Variants in ZNF804B observed in about 807,000 individuals in gnomAD.
ZNF804B encodes zinc finger protein 804B, also known as zinc finger 804B.
In ZNF804B, 80 loss-of-function variants were observed where a neutral mutation model predicts 101.4. The ratio of observed to expected loss-of-function variants is 0.79; its 90% CI spans 0.66 to 0.95. ZNF804B has a LOEUF of 0.95. Among genes scored for constraint, ZNF804B ranks in the 40% least tolerant of loss-of-function variants. The probability of loss-of-function intolerance (pLI) is 0.00; values close to 1 mark genes in which losing one functional copy is unlikely to be tolerated. For missense variants in ZNF804B, 1,673 were observed against 1,561.9 expected, an observed-to-expected ratio of 1.07 and a Z score of -1.20; for synonymous variants, 622 against 558.8, an observed-to-expected ratio of 1.11 and a Z score of -1.59.
At chr7:89,026,310 T>C (rs1788750828) in intron 1 of ZNF804B, among the ~76,000 whole-genome samples, 1 of 152,146 alleles carries the variant, frequency 6.6e-6, no homozygotes, top group South Asian at 2.1e-4. Flanking sequence ...TAGGGGACAA[T>C]AGCTTACACA....
intron 1 of ZNF804B, among the ~76,000 whole-genome samples, chr7:89,059,070 A>G (rs1029053537): frequency 3.3e-5 from 5 of 152,170 alleles, no homozygotes; most frequent in Admixed American, 1.3e-4. Flanking sequence ...TTGAGACTGT[A>G]CTCATGAAAC....
intron 2 of ZNF804B, among the ~76,000 whole-genome samples, chr7:89,263,654 C>A (rs958941230): frequency 6.6e-6 from 1 of 151,672 alleles, no homozygotes; most frequent in Admixed American, 6.6e-5. Context: ...ATCAGGTCAT[C>A]CTCGATTATC....
rs114253381 is a variant in ZNF804B at position 89,313,286 on chromosome 7, C to A, written c.250-14058C>A. ...TAATAATTTTGACCTTTTGCCTTGG[C>A]GTTTTACTCTGAACTAAAGAAAAAC... On this transcript the variant is annotated intron_variant, in intron 2 of 3. Transcript: ENST00000333190. Among the ~76,000 whole-genome samples the A allele has an allele frequency of 2.2e-3, 333 of 152,190 alleles. 2 individuals carry two copies. Among genetic ancestry groups the A allele is most frequent in the African/African-American group, 7.8e-3 (325 of 41,534 alleles).
chr7:88,852,844 T>C (rs1791467043), intron 1 of ZNF804B, among the ~76,000 whole-genome samples: 2 of 152,148 alleles, frequency 1.3e-5, no homozygotes, highest in Admixed American at 1.3e-4. Context: ...TCCAAGGTTA[T>C]GCACTTTATC....
At position 88,940,921 on chromosome 7, in the gene ZNF804B, C is replaced by A. The variant is rs1048518857; in HGVS notation, c.108+180837C>A. Among the ~76,000 whole-genome samples, 5 of 150,968 alleles carry A rather than the reference C, an allele frequency of 3.3e-5. 1 individual carries two copies. Among genetic ancestry groups the A allele is most frequent in the Admixed American group, 3.3e-4 (5 of 15,124 alleles). ...AATAATGTGATGAAGTCTTAAAATT[C>A]AACAATAAGAAAATAACCTGATTAA... On this transcript the variant is annotated intron_variant, in intron 1 of 3. Coordinates refer to ENST00000333190, the MANE Select transcript of ZNF804B (RefSeq NM_181646.5).
At chr7:89,037,177 A>C (rs910448154) in intron 1 of ZNF804B, among the ~76,000 whole-genome samples, 1 of 152,176 alleles carries the variant, frequency 6.6e-6, no homozygotes, top group African/African-American at 2.4e-5. Flanking sequence ...CTCACATTTC[A>C]GTAGAAATGT....
At chr7:89,214,261 A>T (rs910801711) in intron 1 of ZNF804B, among the ~76,000 whole-genome samples, 2 of 152,214 alleles carry the variant, frequency 1.3e-5, no homozygotes, top group African/African-American at 4.8e-5. Flanking sequence ...AGAGTGATTA[A>T]CAAGAAGCTT....
intron 1 of ZNF804B, among the ~76,000 whole-genome samples, chr7:88,849,379 T>C (rs1791418466): frequency 6.6e-6 from 1 of 151,938 alleles, no homozygotes; most frequent in East Asian, 1.9e-4. Flanking sequence ...GAATTGAAGA[T>C]TAAGAAAAAT....
At chr7:88,820,907 A>T (rs944626947) in intron 1 of ZNF804B, among the ~76,000 whole-genome samples, 1 of 152,136 alleles carries the variant, frequency 6.6e-6, no homozygotes, top group Non-Finnish European at 1.5e-5. Flanking sequence ...GACTGTGAAT[A>T]TGCTGCAGTG....
intron 1 of ZNF804B, among the ~76,000 whole-genome samples, chr7:88,967,532 G>A (rs1416572994): frequency 1.3e-5 from 2 of 151,444 alleles, no homozygotes; most frequent in African/African-American, 4.8e-5. Context: ...TAATGTCTCA[G>A]GTTGATGAAA....
chr7:89,226,368 G>A (rs1789088881), intron 2 of ZNF804B, among the ~76,000 whole-genome samples: 1 of 150,936 alleles, frequency 6.6e-6, no homozygotes. Context: ...AGAGAGAGTG[G>A]CTAAATTATG....
intron 1 of ZNF804B, among the ~76,000 whole-genome samples, chr7:89,166,346 T>C (rs1791143658): frequency 6.6e-6 from 1 of 152,184 alleles, no homozygotes; most frequent in African/African-American, 2.4e-5. Flanking sequence ...AACCTGCTGT[T>C]GACAGGAAGT....
intron 1 of ZNF804B, among the ~76,000 whole-genome samples, chr7:89,065,135 T>TA (rs1562874689): frequency 6.6e-6 from 1 of 152,174 alleles, no homozygotes; most frequent in African/African-American, 2.4e-5. Context: ...AACCCTCCGA[T>TA]AGGAGCTTGC....
Position 88,991,181 on chromosome 7 carries a change from T to C in ZNF804B, c.109-226974T>C, listed in dbSNP as rs547540420. Among the ~76,000 whole-genome samples the C allele has an allele frequency of 6.6e-5, 10 of 152,282 alleles. No homozygotes were observed. The South Asian group carries it at 1.9e-3, about 28-fold the overall frequency. ...CTATTTAACACTGATTTGATTTTCC[T>C]CATGATTTTAGTCAGATCCCAGAAG... On this transcript the variant is annotated intron_variant, in intron 1 of 3. Coordinates refer to ENST00000333190, the MANE Select transcript of ZNF804B (RefSeq NM_181646.5).
At chr7:88,857,376 A>G (rs932364650) in intron 1 of ZNF804B, among the ~76,000 whole-genome samples, 11 of 152,206 alleles carry the variant, frequency 7.2e-5, no homozygotes, top group African/African-American at 2.4e-4. Flanking sequence ...GAAGACTAAT[A>G]AAGAAGAAAA....
At chr7:89,298,153 GTATATA>G (rs1439062511) in intron 2 of ZNF804B, among the ~76,000 whole-genome samples, 2 of 94,918 alleles carry the variant, frequency 2.1e-5, no homozygotes, top group East Asian at 5.9e-4. Flanking sequence ...CATATATATA[GTATATA>G]TATATATTTC....
intron 2 of ZNF804B, among the ~76,000 whole-genome samples, chr7:89,317,160 T>TAGG (rs1694031165): frequency 6.6e-6 from 1 of 152,014 alleles, no homozygotes; most frequent in Non-Finnish European, 1.5e-5. Flanking sequence ...GAGAGTGAGG[T>TAGG]AGGAGGTCAT....
At chr7:88,793,359 T>C (rs930939602) in intron 1 of ZNF804B, among the ~76,000 whole-genome samples, 3 of 152,166 alleles carry the variant, frequency 2.0e-5, no homozygotes, top group Non-Finnish European at 4.4e-5. Context: ...TAAGTGTTAA[T>C]AGTGGGCAGA....
chr7:89,176,093 G>A (rs892336975), intron 1 of ZNF804B, among the ~76,000 whole-genome samples: 9 of 151,928 alleles, frequency 5.9e-5, no homozygotes, highest in Non-Finnish European at 1.3e-4. Flanking sequence ...CCAGTATGAT[G>A]TTGAATAACA....
Sources: allele counts gnomAD v4.1 joint callset (sites outside exome capture counted in the v4.1 genomes callset), GRCh38; gene constraint gnomAD v4.1.1; transcripts MANE v1.5; gene names NCBI Gene and HGNC (gene_info 2026-07-23, HGNC 2026-07-21).